The following ATF7IP variants were observed in gnomAD, a reference collection of about 807,000 sequenced individuals.
ATF7IP encodes activating transcription factor 7-interacting protein 1.
In ATF7IP, 23 loss-of-function variants were observed where a neutral mutation model predicts 106.4. The observed-to-expected ratio is 0.22, with a 90% confidence interval of 0.16 to 0.31. ATF7IP has a LOEUF of 0.31. Among genes scored for constraint, ATF7IP ranks in the 10% least tolerant of loss-of-function variants. ATF7IP has a pLI of 1.00. For missense variants in ATF7IP, 1,334 were observed against 1,524.3 expected (o/e 0.88, Z 2.08); for synonymous variants, 542 against 539.0 (o/e 1.01, Z -0.08).
chr12:14,367,974 C>G (rs1938376218), intron 1 of ATF7IP, among the ~76,000 whole-genome samples: 1 of 151,958 alleles, frequency 6.6e-6, no homozygotes, highest in Non-Finnish European at 1.5e-5. Flanking sequence ...TACCAAGTTA[C>G]TGAAGTTATT....
At chr12:14,366,429 A>G (rs1299789022) in intron 1 of ATF7IP, among the ~76,000 whole-genome samples, 1 of 152,188 alleles carries the variant, frequency 6.6e-6, no homozygotes, top group African/African-American at 2.4e-5. Flanking sequence ...CTGTTCTGTT[A>G]TGGATGTGTG....
intron 13 of ATF7IP, among the ~76,000 whole-genome samples, chr12:14,488,115 G>A (rs879336862): frequency 2.1e-4 from 32 of 151,860 alleles, no homozygotes; most frequent in Admixed American, 1.2e-3. Context: ...CTTAATATTC[G>A]GTTCTTCTAG....
chr12:14,385,279 T>C, intron 1 of ATF7IP: 1 of 954,196 alleles, frequency 1.0e-6, no homozygotes. Context: ...GCCATCTTAA[T>C]TACACTTTTG....
intron 1 of ATF7IP, among the ~76,000 whole-genome samples, chr12:14,406,378 C>T (rs533434311): frequency 6.6e-6 from 1 of 152,136 alleles, no homozygotes; most frequent in Admixed American, 6.5e-5. Context: ...GGATTACTGG[C>T]GAGAGCCACC....
Position 14,424,485 on chromosome 12 carries a change from C to G in ATF7IP, c.570C>G (p.Thr190=). The G allele has an allele frequency of 6.2e-7, 1 of 1,614,014 alleles. No homozygotes were observed. The part of the protein sequence containing the change: ...PSGDVSPGDA[T]SGDATADDLS... ...GTGATGTGTCCCCTGGTGATGCCAC[C>G]TCTGGTGATGCCACTGCTGATGATC... The change falls in exon 2 of 15, where the codon ACC becomes ACG. Residue 190 remains threonine, a synonymous_variant. Transcript: ENST00000261168.
intron 1 of ATF7IP, among the ~76,000 whole-genome samples, chr12:14,390,149 C>T (rs1326659303): frequency 6.6e-6 from 1 of 152,134 alleles, no homozygotes; most frequent in African/African-American, 2.4e-5. Flanking sequence ...AAAGACCTAT[C>T]CTACGTATTT....
At chr12:14,385,946 C>T (rs1223922986) in intron 1 of ATF7IP, among the ~76,000 whole-genome samples, 1 of 151,962 alleles carries the variant, frequency 6.6e-6, no homozygotes, top group Non-Finnish European at 1.5e-5. Context: ...CATGCTGCCT[C>T]CTCCCAGTAT....
At chr12:14,381,561 T>G (rs1472721951) in intron 1 of ATF7IP, among the ~76,000 whole-genome samples, 1 of 152,182 alleles carries the variant, frequency 6.6e-6, no homozygotes, top group African/African-American at 2.4e-5. Flanking sequence ...TTCCCAAATC[T>G]TAGTAGCTGT....
At chr12:14,494,284 AATATATAT>A (rs747194414) in intron 13 of ATF7IP, among the ~76,000 whole-genome samples, 2,358 of 53,678 alleles carry the variant, frequency 0.044, 131 homozygotes, top group Middle Eastern at 0.1. Flanking sequence ...GAGCTAATAG[AATATATAT>A]ATATATATAT....
chr12:14,481,758 G>A lies in ATF7IP; in HGVS notation c.3280+573G>A, dbSNP rs112824105. The A allele has an allele frequency of 4.7e-3, 960 of 202,720 alleles. 4 individuals are homozygous for A. Among genetic ancestry groups the A allele is most frequent in the East Asian group, 0.014 (87 of 6,314 alleles). 12.6% of individuals were successfully genotyped at this position (202,720 alleles called of 1,614,324 possible). A position where few individuals can be genotyped will look rare whatever the true frequency, so the allele number is the denominator to read the frequency against. The stretch of plus-strand genomic sequence containing the variant: ...ACTCTATTAAGAAACACCTTACCTA[G>A]TTAGAGTGGGAATGGTCAATTGTGA... On this transcript the variant is annotated intron_variant, in intron 13 of 14. Transcript: ENST00000261168.
At chr12:14,402,171 G>A (rs1377620899) in intron 1 of ATF7IP, among the ~76,000 whole-genome samples, 8 of 134,894 alleles carry the variant, frequency 5.9e-5, no homozygotes, top group South Asian at 2.4e-4. Context: ...TCTGTAGCCC[G>A]GACTGGAGTG....
At chr12:14,435,984 T>A (rs1942383687) in intron 3 of ATF7IP, 122 bp from the exon 4 acceptor site, 1 of 980,880 alleles carries the variant, frequency 1.0e-6, no homozygotes, top group Non-Finnish European at 1.5e-6. Flanking sequence ...CAAAACAGTT[T>A]ACAAAATAGT....
intron 1 of ATF7IP, chr12:14,385,397 A>G (rs1002726096): frequency 5.2e-6 from 8 of 1,533,912 alleles, no homozygotes; most frequent in Non-Finnish European, 7.0e-6. Flanking sequence ...CATCAGGACC[A>G]GAGGTAAGAA....
At chr12:14,477,061 C>T (rs1188156297) in intron 11 of ATF7IP, among the ~76,000 whole-genome samples, 2 of 152,108 alleles carry the variant, frequency 1.3e-5, no homozygotes, top group Non-Finnish European at 2.9e-5. Context: ...ACTTACTTGG[C>T]TGTGCAAAAT....
chr12:14,478,248 C>A, intron 11 of ATF7IP, 69 bp from the exon 12 acceptor site: 3 of 1,477,290 alleles, frequency 2.0e-6, no homozygotes, highest in Non-Finnish European at 2.8e-6. Flanking sequence ...AAAATTTGTC[C>A]ATAGAGGAAA....
chr12:14,367,633 G>A (rs1057380928), intron 1 of ATF7IP, among the ~76,000 whole-genome samples: 26 of 152,018 alleles, frequency 1.7e-4, no homozygotes, highest in Admixed American at 1.7e-3. Context: ...AAATAGTTTG[G>A]TGTATATAAG....
At chr12:14,463,270 A>T (rs967072599) in intron 9 of ATF7IP, among the ~76,000 whole-genome samples, 1 of 152,114 alleles carries the variant, frequency 6.6e-6, no homozygotes, top group African/African-American at 2.4e-5. Context: ...ATGCATTTGT[A>T]TGTATTTTAT....
At chr12:14,488,897 A>G (rs777737667) in intron 13 of ATF7IP, among the ~76,000 whole-genome samples, 1 of 152,252 alleles carries the variant, frequency 6.6e-6, no homozygotes, top group Non-Finnish European at 1.5e-5. Flanking sequence ...TTTTGTTTGT[A>G]CAAGTGCATA....
intron 1 of ATF7IP, among the ~76,000 whole-genome samples, chr12:14,370,585 T>C (rs1938491501): frequency 2.0e-5 from 3 of 152,214 alleles, no homozygotes; most frequent in African/African-American, 7.2e-5. Flanking sequence ...GGTGAATTTA[T>C]AACCTTATAC....
Sources: allele counts gnomAD v4.1 joint callset (sites outside exome capture counted in the v4.1 genomes callset), GRCh38; gene constraint gnomAD v4.1.1; transcripts MANE v1.5; gene names NCBI Gene and HGNC (gene_info 2026-07-23, HGNC 2026-07-21).